SLCO1C1: variants seen among roughly 807,000 people sequenced by gnomAD.
SLCO1C1 encodes solute carrier organic anion transporter family member 1C1, also known as OAT-RP-5.
A neutral mutation model predicts 76.4 loss-of-function variants in SLCO1C1; 70 were observed. The observed-to-expected ratio is 0.92, with a 90% confidence interval of 0.76 to 1.12. SLCO1C1 has a LOEUF of 1.12. Among genes scored for constraint, SLCO1C1 ranks in the 50% most tolerant of loss-of-function variants. SLCO1C1 has a pLI of 0.00. For synonymous variants in SLCO1C1, 306 were observed against 286.1 expected (o/e 1.07, Z -0.70); for missense variants, 912 against 823.8 (o/e 1.11, Z -1.31).
At position 20,752,662 on chromosome 12, in the gene SLCO1C1, A is replaced by G. The variant is rs1326434377; in HGVS notation, c.*134A>G. On this transcript the variant is annotated 3_prime_UTR_variant, in exon 15 of 15. Coordinates refer to ENST00000266509, the MANE Select transcript of SLCO1C1 (RefSeq NM_017435.5). ...TGTCTACTTTGTTTTGGTCCTAGGCATTAGGTAATATAACTGATAATATAC... is the reference window on the plus strand; with the variant it reads ...TGTCTACTTTGTTTTGGTCCTAGGCGTTAGGTAATATAACTGATAATATAC... 2 of 641,474 alleles carry G rather than the reference A, an allele frequency of 3.1e-6. No individual in the cohort carries two copies. The highest frequency in any genetic ancestry group is 2.8e-5 in the East Asian group (1 of 35,566). 39.7% of individuals were successfully genotyped at this position (641,474 alleles called of 1,614,324 possible). A position where few individuals can be genotyped will look rare whatever the true frequency, so the allele number is the denominator to read the frequency against.
chr12:20,721,724 A>G lies in SLCO1C1; in HGVS notation c.776-80A>G, dbSNP rs1356861484. On this transcript the variant is annotated intron_variant, in intron 7 of 14. Coordinates refer to ENST00000266509, the MANE Select transcript of SLCO1C1 (RefSeq NM_017435.5). ...ATTTTATGATGTTATAGAGTTTTGC[A>G]AGAATTTATTTTTAAGTATATTATT... 7.4e-6 allele frequency: 11 copies of G among 1,476,812 alleles called. No individual in the cohort carries two copies. The Admixed American group carries it at 2.5e-4, about 33-fold the overall frequency. The allele number at this position is 1,476,812 out of a possible 1,614,324, so 91.5% of individuals were successfully genotyped here. A position where few individuals can be genotyped will look rare whatever the true frequency, so the allele number is the denominator to read the frequency against.
chr12:20,745,655 T>C lies in SLCO1C1; in HGVS notation c.1798+2286T>C, dbSNP rs113289954. Among the ~76,000 whole-genome samples, 1,044 of 151,908 alleles carry C rather than the reference T, an allele frequency of 6.9e-3. 14 individuals are homozygous for C. Among genetic ancestry groups the C allele is most frequent in the African/African-American group, 0.024 (994 of 41,450 alleles). On this transcript the variant is annotated intron_variant, in intron 13 of 14. Coordinates refer to ENST00000266509, the MANE Select transcript of SLCO1C1 (RefSeq NM_017435.5). ...GCCTGCCCAACATGGTGAAACCCCA[T>C]CTCTACTAAAAACACAAAAATTAGC...
At chr12:20,736,072 T>C (rs1411933317) in intron 10 of SLCO1C1, among the ~76,000 whole-genome samples, 2 of 151,966 alleles carry the variant, frequency 1.3e-5, no homozygotes, top group African/African-American at 2.4e-5. Flanking sequence ...GGAGGGCCAA[T>C]GAATGGCACA....
intron 9 of SLCO1C1, among the ~76,000 whole-genome samples, chr12:20,726,443 A>G (rs190575841): frequency 3.3e-5 from 5 of 152,182 alleles, no homozygotes; most frequent in East Asian, 1.9e-4. Flanking sequence ...CTTCCTGTAC[A>G]TGTTTTTAAA....
At chr12:20,728,033 T>A (rs2120798293) in intron 9 of SLCO1C1, among the ~76,000 whole-genome samples, 1 of 152,324 alleles carries the variant, frequency 6.6e-6, no homozygotes, top group Admixed American at 6.5e-5. Context: ...AATTAATTTA[T>A]CAATTTTTGG....
chr12:20,719,104 T>TATTATTATTATC (rs1352237381), intron 7 of SLCO1C1, among the ~76,000 whole-genome samples: 1 of 145,772 alleles, frequency 6.9e-6, no homozygotes, highest in East Asian at 2.0e-4. Flanking sequence ...CTTTTACTAT[T>TATTATTATTATC]ATTATTATTA....
chr12:20,700,718 C>T (rs1441459331), intron 2 of SLCO1C1, among the ~76,000 whole-genome samples: 2 of 151,896 alleles, frequency 1.3e-5, no homozygotes, highest in Non-Finnish European at 1.5e-5. Context: ...CTAACCTTCC[C>T]TATGAATGTT....
intron 13 of SLCO1C1, among the ~76,000 whole-genome samples, chr12:20,743,906 T>C (rs1020259392): frequency 7.9e-5 from 12 of 152,010 alleles, no homozygotes; most frequent in African/African-American, 2.9e-4. Context: ...TTTAAATATA[T>C]ATTGATTAAA....
At chr12:20,743,911 A>G (rs1286821889) in intron 13 of SLCO1C1, among the ~76,000 whole-genome samples, 1 of 151,988 alleles carries the variant, frequency 6.6e-6, no homozygotes, top group Non-Finnish European at 1.5e-5. Flanking sequence ...ATATATATTG[A>G]TTAAAACCTA....
intron 5 of SLCO1C1, among the ~76,000 whole-genome samples, chr12:20,713,083 C>CTTTTTTTTTT (rs71039973): frequency 1.4e-5 from 2 of 142,594 alleles, no homozygotes; most frequent in Middle Eastern, 3.7e-3. Flanking sequence ...AAGATGTTTT[C>CTTTTTTTTTT]TTTTTTTTTT....
intron 9 of SLCO1C1, among the ~76,000 whole-genome samples, chr12:20,730,564 T>C (rs1349884281): frequency 1.3e-5 from 2 of 152,188 alleles, no homozygotes; most frequent in South Asian, 4.1e-4. Context: ...AAGTTGACTT[T>C]TGGCTGTTCA....
intron 5 of SLCO1C1, 110 bp downstream of exon 5, chr12:20,711,620 C>A: frequency 8.6e-7 from 1 of 1,166,772 alleles, no homozygotes; most frequent in South Asian, 1.6e-5. Flanking sequence ...AGCTTTACTA[C>A]TTAAATTGAG....
rs71039975 is a variant in SLCO1C1, at chr12:20,719,100, CTATTAT to C, written c.775+1897_775+1902del. On this transcript the variant is annotated intron_variant, in intron 7 of 14. Transcript: ENST00000266509. ...ATTCTCCTAATATCGCAAGCTTTTA[CTATTAT>C]TATTATTATTATTATTATTATTATT... is the stretch of plus-strand genomic sequence containing the variant. 3.4e-3 allele frequency among the ~76,000 whole-genome samples: 498 copies of C among 145,664 alleles called. 3 individuals are homozygous for C. The highest frequency in any genetic ancestry group is 0.022 in the Middle Eastern group (6 of 276).
At chr12:20,733,203 A>T in intron 10 of SLCO1C1, 99 bp downstream of exon 10, 1 of 1,149,660 alleles carries the variant, frequency 8.7e-7, no homozygotes, top group Non-Finnish European at 1.2e-6. Flanking sequence ...TAAACATCAT[A>T]ACTATGGTAA....
At chr12:20,711,928 G>A (rs745707379) in intron 5 of SLCO1C1, among the ~76,000 whole-genome samples, 6 of 152,060 alleles carry the variant, frequency 3.9e-5, no homozygotes, top group Non-Finnish European at 2.9e-5. Context: ...CAATTTGTCC[G>A]CAACCTCCCT....
intron 7 of SLCO1C1, 43 bp downstream of exon 7, chr12:20,717,273 T>G (rs752899962): frequency 1.4e-6 from 2 of 1,478,200 alleles, no homozygotes; most frequent in Non-Finnish European, 1.8e-6. Context: ...TTTTAGTCAC[T>G]GTAACATTTT....
chr12:20,746,083 G>A (rs984942058), intron 13 of SLCO1C1, among the ~76,000 whole-genome samples: 1 of 152,048 alleles, frequency 6.6e-6, no homozygotes, highest in Non-Finnish European at 1.5e-5. Flanking sequence ...AAATGCATGA[G>A]ATGATTATGG....
At position 20,722,098 on chromosome 12, in the gene SLCO1C1, T is replaced by C. The variant is rs112336836; in HGVS notation, c.1021+49T>C. On this transcript the variant is annotated intron_variant, in intron 8 of 14. Transcript: ENST00000266509. ...AGTATTTTCATTTTTCTGTTGGGGC[T>C]TAAGGAGATTTATAAATTACATCCC... is the stretch of plus-strand genomic sequence containing the variant. The C allele has an allele frequency of 1.1e-3, 1,640 of 1,558,452 alleles. 15 individuals carry two copies. The African/African-American group carries it at 0.018, about 17-fold the overall frequency.
At position 20,721,857 on chromosome 12, in the gene SLCO1C1, G is replaced by T. The variant is rs757301274; in HGVS notation, c.829G>T (p.Gly277Cys). Residue 277 changes from glycine to cysteine, a missense_variant, in exon 8 of 15, where the codon GGC becomes TGC. Coordinates refer to ENST00000266509, the MANE Select transcript of SLCO1C1 (RefSeq NM_017435.5). ...DPQWVGAWWLGYLIAGIISLL... is the reference protein window; with the variant it reads ...DPQWVGAWWLCYLIAGIISLL... ...CCAGTGGGTAGGAGCCTGGTGGCTTGGCTATCTAATAGCAGGAATCATAAG... is the reference window on the plus strand; with the variant it reads ...CCAGTGGGTAGGAGCCTGGTGGCTTTGCTATCTAATAGCAGGAATCATAAG... 2 of 1,613,994 alleles carry T rather than the reference G, an allele frequency of 1.2e-6. No homozygotes were observed. Among genetic ancestry groups the T allele is most frequent in the African/African-American group, 2.7e-5 (2 of 74,898 alleles).
Sources: allele counts gnomAD v4.1 joint callset (sites outside exome capture counted in the v4.1 genomes callset), GRCh38; gene constraint gnomAD v4.1.1; transcripts MANE v1.5; gene names NCBI Gene and HGNC (gene_info 2026-07-23, HGNC 2026-07-21).